Variants in FBXL18 observed in about 807,000 individuals in gnomAD.
FBXL18 encodes the protein F-box/LRR-repeat protein 18.
A neutral mutation model predicts 46.0 loss-of-function variants in FBXL18; 36 were observed. The ratio of observed to expected loss-of-function variants is 0.78; its 90% CI spans 0.60 to 1.03. FBXL18 has a LOEUF of 1.03. Ranked by LOEUF, FBXL18 falls within the 50% of genes least tolerant of loss-of-function variation. The pLI is 0.00. For missense variants in FBXL18, 977 were observed against 1,004.1 expected (o/e 0.97, Z 0.36); for synonymous variants, 557 against 465.3 (o/e 1.20, Z -2.54).
intron 4 of FBXL18, among the ~76,000 whole-genome samples, chr7:5,482,502 C>T (rs577458594): frequency 6.6e-5 from 10 of 151,298 alleles, no homozygotes; most frequent in Admixed American, 4.6e-4. Flanking sequence ...CGACCCCCCC[C>T]CAATGCCCCC....
At position 5,476,422 on chromosome 7, in the gene FBXL18, G is replaced by C. The variant is rs1320685311; in HGVS notation, c.*5353C>G. 6.6e-6 allele frequency: 1 copy of C among 152,138 alleles called. No individual in the cohort carries two copies. Among genetic ancestry groups the C allele is most frequent in the African/African-American group, 2.4e-5 (1 of 41,416 alleles). The allele number at this position is 152,138 out of a possible 1,614,324, so 9.4% of individuals were successfully genotyped here. A position where few individuals can be genotyped will look rare whatever the true frequency, so the allele number is the denominator to read the frequency against. ...TGGGGTAGGAGTAGCCAAGTGTTCT[G>C]ACAGGCGGTTTTCCCGTAAACCGAC... On this transcript the variant is annotated 3_prime_UTR_variant, in exon 5 of 5. Coordinates refer to ENST00000382368, the MANE Select transcript of FBXL18 (RefSeq NM_024963.6).
rs1783564842 is a variant in FBXL18 at position 5,478,409 on chromosome 7, C to T, written c.*3366G>A. Reference sequence around the variant, plus strand: ...CTGGGTCATCAGGCTCAAGTGCCTGCTCTGGGCCACCTTCGGAAGCCTGGT... The same window carrying T: ...CTGGGTCATCAGGCTCAAGTGCCTGTTCTGGGCCACCTTCGGAAGCCTGGT... On this transcript the variant is annotated 3_prime_UTR_variant, in exon 5 of 5. Coordinates refer to ENST00000382368, the MANE Select transcript of FBXL18 (RefSeq NM_024963.6). 6.6e-6 allele frequency: 1 copy of T among 152,428 alleles called. No individual in the cohort carries two copies. Among genetic ancestry groups the T allele is most frequent in the Non-Finnish European group, 1.5e-5 (1 of 68,186 alleles). The allele number at this position is 152,428 out of a possible 1,614,324, so 9.4% of individuals were successfully genotyped here.
chr7:5,471,340 G>C (rs974099270), downstream of FBXL18, among the ~76,000 whole-genome samples: 2 of 152,266 alleles, frequency 1.3e-5, no homozygotes, highest in Non-Finnish European at 2.9e-5. Flanking sequence ...GCAGTGGCGC[G>C]ATCTCGGCTC....
At chr7:5,465,880 C>A (rs1434056534) in intron 4 of FBXL18, among the ~76,000 whole-genome samples, 3 of 150,918 alleles carry the variant, frequency 2.0e-5, no homozygotes, top group Non-Finnish European at 4.4e-5. Flanking sequence ...TGCAGGGGCA[C>A]AATCTCAGCT....
downstream of FBXL18, among the ~76,000 whole-genome samples, chr7:5,472,142 T>A (rs1042098374): frequency 1.3e-5 from 2 of 152,022 alleles, no homozygotes; most frequent in Non-Finnish European, 2.9e-5. Flanking sequence ...AAAACACAAG[T>A]TCCCCCAGAC....
chr7:5,469,150 G>A (rs144754733), intron 4 of FBXL18, among the ~76,000 whole-genome samples: 6 of 152,250 alleles, frequency 3.9e-5, no homozygotes, highest in South Asian at 4.1e-4. Flanking sequence ...TGTGGCTCAC[G>A]CCTGTAATCC....
chr7:5,499,265 T>C (rs1245196168), intron 3 of FBXL18, among the ~76,000 whole-genome samples: 1 of 151,560 alleles, frequency 6.6e-6, no homozygotes, highest in Non-Finnish European at 1.5e-5. Flanking sequence ...CTCGGCACTG[T>C]TGCCCACCTT....
At chr7:5,492,660 G>A (rs1019328266) in intron 3 of FBXL18, among the ~76,000 whole-genome samples, 3 of 152,050 alleles carry the variant, frequency 2.0e-5, no homozygotes, top group African/African-American at 7.2e-5. Flanking sequence ...CCTGCATGAT[G>A]GGGACTCTAA....
Position 5,513,720 on chromosome 7 carries a change from GC to G in FBXL18, c.-47del. On this transcript the variant is annotated 5_prime_UTR_variant, in exon 1 of 5. Coordinates refer to ENST00000382368, the MANE Select transcript of FBXL18 (RefSeq NM_024963.6). ...GCGGCCGCGGGATCCGCAACCCCGT[GC>G]CTCCCACCTGCCCGGCTAGGGATGC... The G allele has an allele frequency of 6.3e-7, 1 of 1,588,494 alleles. No individual in the cohort carries two copies. The highest frequency in any genetic ancestry group is 8.6e-7 in the Non-Finnish European group (1 of 1,168,012).
chr7:5,495,677 C>T (rs935090710), intron 3 of FBXL18: 20 of 336,504 alleles, frequency 5.9e-5, no homozygotes, highest in Middle Eastern at 1.1e-3. Flanking sequence ...GATGCGGCCT[C>T]GGAGCATCGT....
chr7:5,471,466 C>CG (rs1783425985), downstream of FBXL18, among the ~76,000 whole-genome samples: 3 of 152,252 alleles, frequency 2.0e-5, no homozygotes, highest in South Asian at 6.2e-4. Context: ...TTAGTAGAGA[C>CG]GGGGCTTCAC....
intron 3 of FBXL18, among the ~76,000 whole-genome samples, chr7:5,500,276 A>T (rs1419250960): frequency 1.3e-5 from 2 of 151,966 alleles, no homozygotes; most frequent in Admixed American, 1.3e-4. Context: ...TCAGGAATAA[A>T]GACACTAAGC....
intron 4 of FBXL18, among the ~76,000 whole-genome samples, chr7:5,465,403 G>C (rs1284126386): frequency 2.0e-5 from 3 of 151,976 alleles, no homozygotes; most frequent in African/African-American, 7.2e-5. Flanking sequence ...GTTTCACCAT[G>C]TTGGTCAGGC....
chr7:5,461,351 G>A (rs1203898320), intron 4 of FBXL18, among the ~76,000 whole-genome samples: 1 of 152,190 alleles, frequency 6.6e-6, no homozygotes, highest in African/African-American at 2.4e-5. Flanking sequence ...AGGATCGCTT[G>A]AGCCCAGGAG....
intron 4 of FBXL18, among the ~76,000 whole-genome samples, chr7:5,459,801 T>A (rs538845294): frequency 5.3e-5 from 8 of 151,028 alleles, no homozygotes; most frequent in Non-Finnish European, 1.2e-4. Flanking sequence ...TAATCCCAGC[T>A]ACTCGGGAGG....
chr7:5,486,248 T>C (rs1463587924), intron 4 of FBXL18, among the ~76,000 whole-genome samples: 4 of 29,264 alleles, frequency 1.4e-4, no homozygotes, highest in East Asian at 2.1e-3. Flanking sequence ...CAAAACTCCA[T>C]CTCAAAAAAA....
chr7:5,487,795 G>A (rs577121824), intron 4 of FBXL18, among the ~76,000 whole-genome samples: 4 of 152,292 alleles, frequency 2.6e-5, no homozygotes, highest in South Asian at 2.1e-4. Context: ...CATCCCACTC[G>A]GTTGGCAGCA....
At chr7:5,485,174 G>A (rs10216189) in intron 4 of FBXL18, among the ~76,000 whole-genome samples, 73,352 of 151,932 alleles carry the variant, frequency 0.48, 17,950 homozygotes, top group East Asian at 0.7. Flanking sequence ...CTGTCTCTGC[G>A]GCCAGGAAGG....
At chr7:5,475,637 T>G (rs1783496764), downstream of FBXL18, among the ~76,000 whole-genome samples, 2 of 152,146 alleles carry the variant, frequency 1.3e-5, no homozygotes, top group African/African-American at 4.8e-5. This position sits in a 1 kb window ranked among gnomAD's most constrained non-coding sequence, Gnocchi z 4.2. Context: ...TTGGGTCTTG[T>G]GTCTCCATCC....
Sources: gnomAD v4.1 joint callset for allele counts (sites outside exome capture counted in the v4.1 genomes callset) on GRCh38, gnomAD v4.1.1 for gene constraint, Gnocchi (gnomAD v3.1) non-coding constraint, MANE v1.5 for transcripts, NCBI Gene and HGNC (gene_info 2026-07-23, HGNC 2026-07-21) for gene names.